The following CASZ1 variants were observed in gnomAD, a reference collection of about 807,000 sequenced individuals.
CASZ1 encodes the protein castor zinc finger 1.
Under a neutral mutation model 135.2 loss-of-function variants are expected in CASZ1, and 28 were observed. That is an observed-to-expected ratio of 0.21 (90% CI 0.15 to 0.28). CASZ1 has a LOEUF of 0.28. Ranked by LOEUF, CASZ1 falls within the 10% of genes least tolerant of loss-of-function variation. The pLI is 1.00. For missense variants in CASZ1, 2,161 were observed against 2,453.3 expected, an observed-to-expected ratio of 0.88 and a Z score of 2.52; for synonymous variants, 1,068 against 1,073.4, an observed-to-expected ratio of 0.99 and a Z score of 0.10.
intron 1 of CASZ1, among the ~76,000 whole-genome samples, chr1:10,768,340 C>CAG (rs1640515772): frequency 6.6e-6 from 1 of 152,188 alleles, no homozygotes; most frequent in Non-Finnish European, 1.5e-5. Flanking sequence ...GCCTCAGCCT[C>CAG]CCAAGTAGCT....
At chr1:10,737,007 G>A (rs1409338501) in intron 2 of CASZ1, among the ~76,000 whole-genome samples, 1 of 152,226 alleles carries the variant, frequency 6.6e-6, no homozygotes, top group African/African-American at 2.4e-5. Flanking sequence ...CAGAGAGGGG[G>A]AGAAGGAAGG....
intron 8 of CASZ1, among the ~76,000 whole-genome samples, chr1:10,656,129 G>A (rs748224087): frequency 2.0e-4 from 31 of 152,210 alleles, no homozygotes; most frequent in Non-Finnish European, 3.2e-4. Flanking sequence ...AGCTCATCCC[G>A]CCCAGTGCAC....
intron 4 of CASZ1, among the ~76,000 whole-genome samples, chr1:10,685,482 C>T (rs796344222): frequency 1.7e-4 from 26 of 152,358 alleles, no homozygotes; most frequent in African/African-American, 4.8e-4. Context: ...AAGGGTTCCC[C>T]CATTTCTCAC....
At chr1:10,752,790 C>G (rs1368195632) in intron 2 of CASZ1, among the ~76,000 whole-genome samples, 1 of 152,256 alleles carries the variant, frequency 6.6e-6, no homozygotes, top group Admixed American at 6.5e-5. Flanking sequence ...AATTCCAGCA[C>G]TTTGGGAGGC....
chr1:10,647,580 C>A lies in CASZ1; in HGVS notation c.3497+221G>T. ...CCTGCAGGAGCAGTAGCCACTGCCGCCACCATCGGCCCACGCGGGCTGGCC... is the reference window on the plus strand; with the variant it reads ...CCTGCAGGAGCAGTAGCCACTGCCGACACCATCGGCCCACGCGGGCTGGCC... On this transcript the variant is annotated intron_variant, in intron 16 of 20. Transcript: ENST00000377022. This position sits in a 1 kb window ranked among gnomAD's most constrained non-coding sequence, Gnocchi z 4.9. 2.8e-6 allele frequency: 4 copies of A among 1,420,132 alleles called. No homozygotes were observed. The highest frequency in any genetic ancestry group is 3.7e-6 in the Non-Finnish European group (4 of 1,089,818). The allele number at this position is 1,420,132 out of a possible 1,614,324, so 88.0% of individuals were successfully genotyped here. A position where few individuals can be genotyped will look rare whatever the true frequency, so the allele number is the denominator to read the frequency against.
intron 2 of CASZ1, among the ~76,000 whole-genome samples, chr1:10,751,937 C>T (rs1286977841): frequency 6.6e-6 from 1 of 152,184 alleles, no homozygotes; most frequent in Non-Finnish European, 1.5e-5. Flanking sequence ...CAGCCCTAAG[C>T]TCTCTGTCCA....
At chr1:10,790,271 C>T (rs1193149877) in intron 1 of CASZ1, among the ~76,000 whole-genome samples, 53 of 152,376 alleles carry the variant, frequency 3.5e-4, no homozygotes, top group Non-Finnish European at 7.3e-5. Context: ...CTCCCAACCA[C>T]GCCACGTATC....
At chr1:10,656,815 G>A in intron 7 of CASZ1, 79 bp from the exon 8 acceptor site, 2 of 895,786 alleles carry the variant, frequency 2.2e-6, no homozygotes, top group Non-Finnish European at 3.6e-6. Context: ...GCCCCAGGGA[G>A]GACTCTTCGG....
Position 10,694,689 on chromosome 1 carries a change from C to T in CASZ1, c.-23-777G>A, listed in dbSNP as rs1385815865. 3.3e-5 allele frequency among the ~76,000 whole-genome samples: 4 copies of T among 121,554 alleles called. No homozygotes were observed. The East Asian group carries it at 8.4e-4, about 25-fold the overall frequency. 79.7% of individuals were successfully genotyped at this position (121,554 alleles called of 152,430 possible). A position where few individuals can be genotyped will look rare whatever the true frequency, so the allele number is the denominator to read the frequency against. Reference sequence around the variant, plus strand: ...ATGGGCTCGCGCTCGCTCGCGCCCCCGCCGCGCGCCCCCGCCGCGCGCGCC... The same window carrying T: ...ATGGGCTCGCGCTCGCTCGCGCCCCTGCCGCGCGCCCCCGCCGCGCGCGCC... On this transcript the variant is annotated intron_variant, in intron 3 of 20. Transcript: ENST00000377022. This position sits in a 1 kb window ranked among gnomAD's most constrained non-coding sequence, Gnocchi z 6.6.
intron 2 of CASZ1, among the ~76,000 whole-genome samples, chr1:10,715,759 A>G (rs547041352): frequency 6.6e-4 from 71 of 107,026 alleles, no homozygotes; most frequent in African/African-American, 2.4e-3. Context: ...ACAGCACCCA[A>G]TCCACACCCC....
intron 2 of CASZ1, among the ~76,000 whole-genome samples, chr1:10,738,944 T>TTTC (rs1639858632): frequency 6.9e-6 from 1 of 144,644 alleles, no homozygotes; most frequent in Non-Finnish European, 1.5e-5. Context: ...TTTTTTTTTT[T>TTTC]CACTTTTCGC....
chr1:10,789,496 A>G (rs1426299201), intron 1 of CASZ1, among the ~76,000 whole-genome samples: 3 of 151,576 alleles, frequency 2.0e-5, no homozygotes, highest in Non-Finnish European at 2.9e-5. Flanking sequence ...AAGAATGATA[A>G]TGAGTTCCGA....
At chr1:10,675,307 G>A (rs1159620848) in intron 4 of CASZ1, among the ~76,000 whole-genome samples, 1 of 152,234 alleles carries the variant, frequency 6.6e-6, no homozygotes, top group African/African-American at 2.4e-5. Context: ...TGTGAAGCCA[G>A]TGGGGACAGA....
intron 4 of CASZ1, among the ~76,000 whole-genome samples, chr1:10,677,663 T>G (rs1274744752): frequency 6.6e-6 from 1 of 152,206 alleles, no homozygotes; most frequent in Non-Finnish European, 1.5e-5. Context: ...GGCCACTCAC[T>G]CGTGAGGACT....
chr1:10,659,277 C>G (rs1439224552), intron 6 of CASZ1, among the ~76,000 whole-genome samples: 1 of 152,198 alleles, frequency 6.6e-6, no homozygotes, highest in Non-Finnish European at 1.5e-5. Context: ...CTGCATTCAG[C>G]ACCCATGGCA....
At position 10,675,421 on chromosome 1, in the gene CASZ1, G is replaced by C. The variant is rs139338317; in HGVS notation, c.17-9850C>G. ...TGGGGGTCCTGGGGTGGCAGGGTGG[G>C]CACAGTGCGAGCAGGCGGGGTGGTC... On this transcript the variant is annotated intron_variant, in intron 4 of 20. Transcript: ENST00000377022. Among the ~76,000 whole-genome samples, 1,451 of 152,226 alleles carry C rather than the reference G, an allele frequency of 9.5e-3. 25 individuals carry two copies. Among genetic ancestry groups the C allele is most frequent in the African/African-American group, 0.032 (1,343 of 41,536 alleles).
At position 10,750,473 on chromosome 1, in the gene CASZ1, T is replaced by A. The variant is rs578037277; in HGVS notation, c.-77+10228A>T. Among the ~76,000 whole-genome samples the A allele has an allele frequency of 3.0e-3, 449 of 152,134 alleles. 4 individuals are homozygous for A. Among genetic ancestry groups the A allele is most frequent in the African/African-American group, 0.01 (422 of 41,498 alleles). ...AATTTTTATTTTTTAATTTTTTTTT[T>A]AAGAGATGGGAGTCTTGAACCCCTG... On this transcript the variant is annotated intron_variant, in intron 2 of 20. Coordinates refer to ENST00000377022, the MANE Select transcript of CASZ1 (RefSeq NM_001079843.3).
intron 1 of CASZ1, among the ~76,000 whole-genome samples, chr1:10,789,322 C>G (rs1640912875): frequency 6.6e-6 from 1 of 151,272 alleles, no homozygotes; most frequent in Non-Finnish European, 1.5e-5. Context: ...GCTGAGCCTC[C>G]CAAACCCTGG....
intron 4 of CASZ1, among the ~76,000 whole-genome samples, chr1:10,675,195 G>T (rs1400546016): frequency 6.6e-6 from 1 of 152,228 alleles, no homozygotes; most frequent in East Asian, 1.9e-4. Context: ...GTAATTAACA[G>T]AACAATAAAA....
Sources: allele counts gnomAD v4.1 joint callset (sites outside exome capture counted in the v4.1 genomes callset), GRCh38; gene constraint gnomAD v4.1.1; non-coding constraint Gnocchi (gnomAD v3.1); transcripts MANE v1.5; gene names NCBI Gene and HGNC (gene_info 2026-07-23, HGNC 2026-07-21).